ESRRG: variants seen among roughly 807,000 people sequenced by gnomAD.
ESRRG encodes estrogen related receptor gamma.
Under a neutral mutation model 44.0 loss-of-function variants are expected in ESRRG, and 13 were observed. The observed-to-expected ratio is 0.30, with a 90% confidence interval of 0.19 to 0.47. The LOEUF is 0.47. Ranked by LOEUF, ESRRG falls within the 20% of genes least tolerant of loss-of-function variation. The probability of loss-of-function intolerance (pLI) is 1.00; values close to 1 mark genes in which losing one functional copy is unlikely to be tolerated. For missense variants in ESRRG, 395 were observed against 580.6 expected (o/e 0.68, Z 3.29); for synonymous variants, 215 against 214.6 (o/e 1.00, Z -0.02).
At chr1:216,573,787 G>A (rs1433259319) in intron 3 of ESRRG, among the ~76,000 whole-genome samples, 3 of 151,942 alleles carry the variant, frequency 2.0e-5, no homozygotes, top group Admixed American at 1.3e-4. Flanking sequence ...ATTTTCCTGA[G>A]TTTAGCTGTA....
intron 5 of ESRRG, among the ~76,000 whole-genome samples, chr1:216,554,431 G>A (rs931560935): frequency 1.3e-5 from 2 of 148,588 alleles, no homozygotes; most frequent in Non-Finnish European, 3.0e-5. Context: ...TCCAGCCTGG[G>A]CGACAAGAGT....
chr1:216,528,790 A>G (rs2149077047), intron 5 of ESRRG, among the ~76,000 whole-genome samples: 1 of 152,198 alleles, frequency 6.6e-6, no homozygotes, highest in Non-Finnish European at 1.5e-5. Context: ...TGAATCAAAA[A>G]CAGCAAGGAG....
intron 2 of ESRRG, among the ~76,000 whole-genome samples, chr1:216,876,483 C>A (rs1265566130): frequency 6.6e-6 from 1 of 151,896 alleles, no homozygotes; most frequent in Admixed American, 6.6e-5. Context: ...TCCCATTTGT[C>A]TTAAAGACCA....
intron 3 of ESRRG, among the ~76,000 whole-genome samples, chr1:216,586,581 CTTTT>C (rs752769234): frequency 3.2e-5 from 4 of 124,118 alleles, no homozygotes; most frequent in African/African-American, 6.2e-5. Context: ...AACTTTTGGG[CTTTT>C]TTTTTTTTTT....
chr1:216,690,010 T>C (rs1292892984), intron 1 of ESRRG, among the ~76,000 whole-genome samples: 1 of 152,038 alleles, frequency 6.6e-6, no homozygotes, highest in Non-Finnish European at 1.5e-5. Flanking sequence ...AAATCACATA[T>C]GTTGCTGGGA....
chr1:216,988,849 G>A (rs938106138), intron 1 of ESRRG, among the ~76,000 whole-genome samples: 13 of 152,108 alleles, frequency 8.5e-5, no homozygotes, highest in East Asian at 1.9e-4. Flanking sequence ...CTATTATGAC[G>A]TTCAGACAAA....
intron 2 of ESRRG, among the ~76,000 whole-genome samples, chr1:216,836,558 A>T (rs12743319): frequency 6.6e-6 from 1 of 152,134 alleles, no homozygotes; most frequent in East Asian, 1.9e-4. Context: ...TGACCGGGGA[A>T]GCGCCAGGAA....
At chr1:216,612,145 T>A (rs952717327) in intron 3 of ESRRG, among the ~76,000 whole-genome samples, 1 of 152,120 alleles carries the variant, frequency 6.6e-6, no homozygotes, top group Non-Finnish European at 1.5e-5. Flanking sequence ...AAAGGGAAAT[T>A]ATCTATACTA....
At chr1:216,835,148 CTGA>C (rs1559811676) in intron 2 of ESRRG, among the ~76,000 whole-genome samples, 1 of 115,866 alleles carries the variant, frequency 8.6e-6, no homozygotes, top group Admixed American at 8.2e-5. Flanking sequence ...GAGGAACCAA[CTGA>C]TAATCAGAGT....
chr1:217,123,994 C>T (rs1240695579), intron 1 of ESRRG, among the ~76,000 whole-genome samples: 1 of 152,170 alleles, frequency 6.6e-6, no homozygotes, highest in Non-Finnish European at 1.5e-5. Flanking sequence ...TTCTCTAATT[C>T]TTCATGAGCA....
At chr1:216,931,301 A>G (rs1200002739) in intron 2 of ESRRG, among the ~76,000 whole-genome samples, 1 of 152,144 alleles carries the variant, frequency 6.6e-6, no homozygotes, top group East Asian at 1.9e-4. Flanking sequence ...CACCTTCAGA[A>G]CTTTCTTTGT....
chr1:216,567,241 T>G (rs1181581323), intron 4 of ESRRG, among the ~76,000 whole-genome samples: 1 of 152,210 alleles, frequency 6.6e-6, no homozygotes, highest in Non-Finnish European at 1.5e-5. Context: ...ACTACAACTA[T>G]TAACTGATTT....
intron 2 of ESRRG, among the ~76,000 whole-genome samples, chr1:216,666,193 CA>C (rs1235210570): frequency 6.6e-5 from 10 of 152,200 alleles, no homozygotes; most frequent in Non-Finnish European, 1.5e-4. Context: ...AACTAGTTAC[CA>C]AGCAAAAGTG....
At chr1:216,626,887 A>T (rs1209639533) in intron 3 of ESRRG, among the ~76,000 whole-genome samples, 1 of 152,212 alleles carries the variant, frequency 6.6e-6, no homozygotes, top group Non-Finnish European at 1.5e-5. Flanking sequence ...TAGAATCAAA[A>T]GTAACAGCAC....
chr1:216,692,985 T>C (rs1258898355), intron 1 of ESRRG, among the ~76,000 whole-genome samples: 1 of 152,244 alleles, frequency 6.6e-6, no homozygotes, highest in African/African-American at 2.4e-5. Context: ...CATATCCTTG[T>C]TGATAAGTAA....
intron 3 of ESRRG, among the ~76,000 whole-genome samples, chr1:216,581,484 T>C (rs568509386): frequency 5.9e-5 from 9 of 152,326 alleles, no homozygotes; most frequent in Non-Finnish European, 8.8e-5. Flanking sequence ...CACACGATTC[T>C]GTGAGAATTA....
intron 1 of ESRRG, among the ~76,000 whole-genome samples, chr1:217,106,792 C>G (rs991763122): frequency 6.6e-6 from 1 of 152,156 alleles, no homozygotes; most frequent in African/African-American, 2.4e-5. Context: ...CTTTGCCTGA[C>G]TTTGAATTGT....
At chr1:216,640,636 G>A (rs1284013278) in intron 3 of ESRRG, among the ~76,000 whole-genome samples, 1 of 152,146 alleles carries the variant, frequency 6.6e-6, no homozygotes, top group Non-Finnish European at 1.5e-5. Context: ...TTAGTAGGTG[G>A]AGTAGAAGTC....
intron 2 of ESRRG, among the ~76,000 whole-genome samples, chr1:216,926,142 G>A (rs985136362): frequency 1.3e-5 from 2 of 152,164 alleles, no homozygotes; most frequent in Middle Eastern, 3.2e-3. Flanking sequence ...AGACCCAAAG[G>A]AGCACCTCGG....
Sources: allele counts gnomAD v4.1 joint callset (sites outside exome capture counted in the v4.1 genomes callset), GRCh38; gene constraint gnomAD v4.1.1; transcripts MANE v1.5; gene names NCBI Gene and HGNC (gene_info 2026-07-23, HGNC 2026-07-21).